The following LMNTD1 variants were observed in gnomAD, a reference collection of about 807,000 sequenced individuals.
LMNTD1 encodes lamin tail domain containing 1, also known as lamin tail domain-containing protein 1.
A neutral mutation model predicts 50.9 loss-of-function variants in LMNTD1; 35 were observed. That is an observed-to-expected ratio of 0.69 (90% CI 0.53 to 0.91). LMNTD1 has a LOEUF of 0.91. Ranked by LOEUF, LMNTD1 falls within the 40% of genes least tolerant of loss-of-function variation. The pLI, the probability that LMNTD1 is intolerant of heterozygous loss-of-function variation, is 0.00. For missense variants in LMNTD1, 470 were observed against 475.5 expected (o/e 0.99, Z 0.11); for synonymous variants, 153 against 161.9 (o/e 0.94, Z 0.42).
intron 1 of LMNTD1, among the ~76,000 whole-genome samples, chr12:25,570,131 G>A (rs767523075): frequency 4.6e-5 from 7 of 152,044 alleles, no homozygotes; most frequent in East Asian, 1.9e-4. Flanking sequence ...AATACTGAGC[G>A]CCATCGTTTA....
chr12:25,479,783 A>G (rs1174354613), intron 9 of LMNTD1, among the ~76,000 whole-genome samples: 2 of 152,218 alleles, frequency 1.3e-5, no homozygotes, highest in Non-Finnish European at 2.9e-5. Flanking sequence ...CCTTTTCATG[A>G]TAGAAGAGGT....
intron 1 of LMNTD1, among the ~76,000 whole-genome samples, chr12:25,612,085 TTG>T (rs1380096875): frequency 2.0e-5 from 3 of 152,210 alleles, no homozygotes; most frequent in African/African-American, 7.2e-5. Flanking sequence ...TCAAAGGTTT[TTG>T]TGTGTGTTCA....
chr12:25,556,003 C>T (rs182910634), upstream of LMNTD1, among the ~76,000 whole-genome samples: 218 of 121,018 alleles, frequency 1.8e-3, 1 homozygote, highest in East Asian at 0.028. Context: ...AGATGGATGT[C>T]GCTGTGTCAT....
intron 4 of LMNTD1, among the ~76,000 whole-genome samples, chr12:25,532,317 T>C (rs1942279028): frequency 6.6e-6 from 1 of 152,196 alleles, no homozygotes; most frequent in Non-Finnish European, 1.5e-5. Flanking sequence ...TGTGAAATAA[T>C]TGGACACTGT....
At chr12:25,479,737 G>A (rs1023777890) in intron 9 of LMNTD1, among the ~76,000 whole-genome samples, 5 of 152,190 alleles carry the variant, frequency 3.3e-5, no homozygotes, top group South Asian at 2.1e-4. Flanking sequence ...CTCATATCTG[G>A]AGTAAGTGTC....
Position 25,547,579 on chromosome 12 carries a change from G to T in LMNTD1, c.311-1025C>A, listed in dbSNP as rs186462483. Among the ~76,000 whole-genome samples, 771 of 151,548 alleles carry T rather than the reference G, an allele frequency of 5.1e-3. 8 individuals carry two copies. The highest frequency in any genetic ancestry group is 0.017 in the African/African-American group (720 of 41,426). The stretch of plus-strand genomic sequence containing the variant: ...TTAGCAAAACCAAAACAAGGTGAAA[G>T]ATATAAAGAAATAAAATCATCGTTT... On this transcript the variant is annotated intron_variant, in intron 3 of 9. Transcript: ENST00000458174.
At chr12:25,515,228 A>T (rs1011196021) in intron 8 of LMNTD1, among the ~76,000 whole-genome samples, 6 of 151,962 alleles carry the variant, frequency 3.9e-5, no homozygotes, top group Non-Finnish European at 4.4e-5. Context: ...ATATTTAAAA[A>T]TTTTTTCATC....
At chr12:25,600,865 A>G (rs7137502) in intron 1 of LMNTD1, among the ~76,000 whole-genome samples, 10 of 152,094 alleles carry the variant, frequency 6.6e-5, no homozygotes, top group African/African-American at 2.4e-4. Context: ...GTAGATTAGT[A>G]CAGCCACTAT....
At chr12:25,585,113 T>C (rs1383558378) in intron 1 of LMNTD1, among the ~76,000 whole-genome samples, 1 of 152,176 alleles carries the variant, frequency 6.6e-6, no homozygotes, top group African/African-American at 2.4e-5. Flanking sequence ...GGGGCCAAAA[T>C]AAACACCCGA....
intron 9 of LMNTD1, among the ~76,000 whole-genome samples, chr12:25,483,669 G>A (rs1938517720): frequency 6.6e-6 from 1 of 151,698 alleles, no homozygotes; most frequent in African/African-American, 2.4e-5. Flanking sequence ...CTACTCAAGA[G>A]GCTGAGGTTG....
At chr12:25,582,233 G>A (rs1424719417) in intron 1 of LMNTD1, among the ~76,000 whole-genome samples, 1 of 152,194 alleles carries the variant, frequency 6.6e-6, no homozygotes, top group Non-Finnish European at 1.5e-5. Flanking sequence ...AGTACTGTCT[G>A]CTTCACATTT....
chr12:25,602,921 C>A (rs552874230), intron 1 of LMNTD1, among the ~76,000 whole-genome samples: 1 of 151,976 alleles, frequency 6.6e-6, no homozygotes, highest in Non-Finnish European at 1.5e-5. Flanking sequence ...GTACAATGCA[C>A]GTTTCTATAA....
chr12:25,584,823 AAT>A (rs1945451995), intron 1 of LMNTD1, among the ~76,000 whole-genome samples: 1 of 152,178 alleles, frequency 6.6e-6, no homozygotes, highest in African/African-American at 2.4e-5. Context: ...ACTGGGGTCT[AAT>A]ACTTATTCAG....
chr12:25,611,649 T>C (rs1399453514), intron 1 of LMNTD1, among the ~76,000 whole-genome samples: 2 of 152,212 alleles, frequency 1.3e-5, no homozygotes, highest in Non-Finnish European at 2.9e-5. Context: ...GATTGAGAAG[T>C]AAAGGATTGA....
intron 9 of LMNTD1, among the ~76,000 whole-genome samples, chr12:25,488,890 T>G (rs1328430016): frequency 2.0e-5 from 3 of 152,198 alleles, no homozygotes. Flanking sequence ...CCCTGCCTTG[T>G]GAGGTGTCAG....
chr12:25,486,384 T>C (rs1938641480), intron 9 of LMNTD1, among the ~76,000 whole-genome samples: 1 of 152,096 alleles, frequency 6.6e-6, no homozygotes, highest in Admixed American at 6.6e-5. Context: ...AAGTTGCTTA[T>C]CAGCTTAAGG....
At chr12:25,553,302 A>G (rs1565473570), upstream of LMNTD1, 10 of 1,390,406 alleles carry the variant, frequency 7.2e-6, no homozygotes, top group Non-Finnish European at 9.4e-6. Flanking sequence ...CTTCTGGCCA[A>G]CACTGCCTCT....
intron 1 of LMNTD1, among the ~76,000 whole-genome samples, chr12:25,560,021 T>G (rs1231842632): frequency 1.3e-5 from 2 of 152,240 alleles, no homozygotes; most frequent in East Asian, 1.9e-4. Context: ...TAGTTTCTTT[T>G]GCTGTGCAGA....
At chr12:25,485,156 T>C (rs2135910108) in intron 9 of LMNTD1, among the ~76,000 whole-genome samples, 1 of 145,982 alleles carries the variant, frequency 6.9e-6, no homozygotes, top group East Asian at 2.1e-4. Context: ...CCACATCCTC[T>C]CCAGCACCTG....
Sources: gnomAD v4.1 joint callset for allele counts (sites outside exome capture counted in the v4.1 genomes callset) on GRCh38, gnomAD v4.1.1 for gene constraint, MANE v1.5 for transcripts, NCBI Gene and HGNC (gene_info 2026-07-23, HGNC 2026-07-21) for gene names.